The following NPAS3 variants were observed in gnomAD, a reference collection of about 807,000 sequenced individuals.
The protein encoded by NPAS3 is neuronal PAS domain-containing protein 3.
NPAS3 carries 14 observed loss-of-function variants against 73.1 expected under a neutral mutation model. That is an observed-to-expected ratio of 0.19 (90% CI 0.13 to 0.30). The LOEUF (loss-of-function observed/expected upper bound fraction) is 0.30, where lower values mean the gene tolerates loss of function less well. Ranked by LOEUF, NPAS3 falls within the 10% of genes least tolerant of loss-of-function variation. The pLI, the probability that NPAS3 is intolerant of heterozygous loss-of-function variation, is 1.00. For missense variants in NPAS3, 1,096 were observed against 1,250.0 expected, an observed-to-expected ratio of 0.88 and a Z score of 1.86; for synonymous variants, 620 against 541.5, an observed-to-expected ratio of 1.14 and a Z score of -2.01.
chr14:33,243,605 G>A (rs529701264), intron 3 of NPAS3, among the ~76,000 whole-genome samples: 1 of 152,118 alleles, frequency 6.6e-6, no homozygotes, highest in East Asian at 1.9e-4. Context: ...TCCTCCTGTG[G>A]GCTAAGAACT....
At chr14:33,684,188 G>GT (rs1236075588) in intron 6 of NPAS3, among the ~76,000 whole-genome samples, 21 of 150,634 alleles carry the variant, frequency 1.4e-4, no homozygotes, top group African/African-American at 4.1e-4. Flanking sequence ...AGAGAGAAAC[G>GT]TAACTATCCT....
intron 4 of NPAS3, among the ~76,000 whole-genome samples, chr14:33,456,251 A>G (rs1477261227): frequency 6.6e-6 from 1 of 152,194 alleles, no homozygotes; most frequent in Non-Finnish European, 1.5e-5. Flanking sequence ...TGTGATGTCT[A>G]TATGAGGAGT....
At chr14:33,001,235 A>G (rs925448745) in intron 1 of NPAS3, among the ~76,000 whole-genome samples, 2 of 152,086 alleles carry the variant, frequency 1.3e-5, no homozygotes, top group African/African-American at 4.8e-5. Flanking sequence ...TGGACAGAAA[A>G]TGGAGGATAA....
At chr14:33,271,205 T>C (rs1330549833) in intron 3 of NPAS3, among the ~76,000 whole-genome samples, 1 of 152,214 alleles carries the variant, frequency 6.6e-6, no homozygotes, top group East Asian at 1.9e-4. Context: ...CCGATTCTTC[T>C]TGGCCTCTCT....
chr14:33,122,399 CA>C (rs963275541), intron 2 of NPAS3, among the ~76,000 whole-genome samples: 4 of 152,058 alleles, frequency 2.6e-5, no homozygotes, highest in African/African-American at 9.7e-5. Context: ...GAATAACTAG[CA>C]AAAATAAGGC....
chr14:32,982,406 G>A (rs1280158263), intron 1 of NPAS3, among the ~76,000 whole-genome samples: 4 of 152,088 alleles, frequency 2.6e-5, no homozygotes, highest in African/African-American at 7.2e-5. Context: ...TCCAAAATAA[G>A]ATATCCCTTA....
rs934379874 is a variant in NPAS3 at position 33,007,926 on chromosome 14, C to A, written c.51-47979C>A. ...AGATTAGCCTGTTGGCCAAGGTTGC[C>A]AACTCCGGTTCTAGTGTGAGGATAG... On this transcript the variant is annotated intron_variant, in intron 1 of 11. Coordinates refer to ENST00000356141, the Ensembl canonical transcript of NPAS3. Among the ~76,000 whole-genome samples, 3 of 152,078 alleles carry A rather than the reference C, an allele frequency of 2.0e-5. No homozygotes were observed. The South Asian group carries it at 6.2e-4, about 32-fold the overall frequency.
At chr14:33,279,113 G>T (rs1039441335) in intron 3 of NPAS3, among the ~76,000 whole-genome samples, 3 of 152,144 alleles carry the variant, frequency 2.0e-5, no homozygotes, top group Non-Finnish European at 4.4e-5. Flanking sequence ...CACCCTCAGG[G>T]TTGCTGATTC....
intron 3 of NPAS3, among the ~76,000 whole-genome samples, chr14:33,280,741 T>G: frequency 6.6e-6 from 1 of 152,300 alleles, no homozygotes; most frequent in East Asian, 1.9e-4. Context: ...AAGGATATTC[T>G]GCTGCTTCAA....
intron 3 of NPAS3, among the ~76,000 whole-genome samples, chr14:33,228,967 G>A (rs542021840): frequency 1.6e-4 from 25 of 152,036 alleles, no homozygotes; most frequent in Non-Finnish European, 2.1e-4. Flanking sequence ...TATTTGCCAG[G>A]TCTATATTTT....
intron 2 of NPAS3, among the ~76,000 whole-genome samples, chr14:33,129,086 C>T (rs2043539920): frequency 6.6e-6 from 1 of 152,040 alleles, no homozygotes; most frequent in Non-Finnish European, 1.5e-5. Context: ...CCAAGATTTC[C>T]AGTCTCTCTT....
chr14:33,497,927 A>G (rs1038913075), intron 4 of NPAS3, among the ~76,000 whole-genome samples: 1 of 152,170 alleles, frequency 6.6e-6, no homozygotes, highest in Non-Finnish European at 1.5e-5. Flanking sequence ...AATGGGAGAA[A>G]ATTTTTGCAA....
chr14:33,335,377 ACT>A (rs556549908), intron 3 of NPAS3, among the ~76,000 whole-genome samples: 61 of 152,016 alleles, frequency 4.0e-4, no homozygotes, highest in South Asian at 2.5e-3. Flanking sequence ...CTTGGTAGTA[ACT>A]CTTCTCAGAG....
intron 5 of NPAS3, among the ~76,000 whole-genome samples, chr14:33,660,830 A>G (rs569269019): frequency 1.6e-4 from 24 of 152,336 alleles, no homozygotes; most frequent in African/African-American, 5.8e-4. Context: ...GCACATTTAC[A>G]TACTCTCGAA....
chr14:33,355,479 T>C (rs1448859809), intron 3 of NPAS3, among the ~76,000 whole-genome samples: 1 of 152,156 alleles, frequency 6.6e-6, no homozygotes, highest in Non-Finnish European at 1.5e-5. Context: ...TTTTGTATTT[T>C]TGTAGAGATA....
intron 2 of NPAS3, among the ~76,000 whole-genome samples, chr14:33,182,959 C>T (rs1331734914): frequency 6.6e-6 from 1 of 152,184 alleles, no homozygotes; most frequent in East Asian, 1.9e-4. Context: ...TGTCAACAGC[C>T]AGTGGCCTTT....
intron 6 of NPAS3, among the ~76,000 whole-genome samples, chr14:33,676,961 C>A (rs2059787465): frequency 6.6e-6 from 1 of 152,166 alleles, no homozygotes; most frequent in South Asian, 2.1e-4. Flanking sequence ...ACAGAGGTGA[C>A]ATTCCTCATT....
intron 4 of NPAS3, among the ~76,000 whole-genome samples, chr14:33,486,659 C>T (rs1039271197): frequency 6.6e-6 from 1 of 152,120 alleles, no homozygotes; most frequent in African/African-American, 2.4e-5. Context: ...CTAGTCAGCT[C>T]GGTCAGAGTA....
chr14:33,464,471 G>A (rs191031089), intron 4 of NPAS3, among the ~76,000 whole-genome samples: 5 of 152,110 alleles, frequency 3.3e-5, no homozygotes, highest in African/African-American at 7.2e-5. Context: ...CCAAAGCATC[G>A]GTGACATAGC....
Sources: allele counts gnomAD v4.1 joint callset (sites outside exome capture counted in the v4.1 genomes callset), GRCh38; gene constraint gnomAD v4.1.1; transcripts MANE v1.5; gene names NCBI Gene and HGNC (gene_info 2026-07-23, HGNC 2026-07-21).